Variants in NR5A2 observed in about 807,000 individuals in gnomAD.
The protein encoded by NR5A2 is nuclear receptor subfamily 5 group A member 2, also known as CYP7A promoter-binding factor.
Under a neutral mutation model 62.7 loss-of-function variants are expected in NR5A2, and 26 were observed. The observed-to-expected ratio is 0.41, with a 90% confidence interval of 0.30 to 0.58. The LOEUF is 0.58. Ranked by LOEUF, NR5A2 falls within the 20% of genes least tolerant of loss-of-function variation. NR5A2 has a pLI of 0.22. For synonymous variants in NR5A2, 246 were observed against 241.7 expected, an observed-to-expected ratio of 1.02 and a Z score of -0.16; for missense variants, 541 against 669.1, an observed-to-expected ratio of 0.81 and a Z score of 2.11.
rs1043945798 is a variant in NR5A2, at chr1:200,174,412, T to C, written c.*202T>C. 21 of 447,748 alleles carry C rather than the reference T, an allele frequency of 4.7e-5. No homozygotes were observed. Among genetic ancestry groups the C allele is most frequent in the Non-Finnish European group, 7.3e-5 (20 of 274,292 alleles). 27.7% of individuals were successfully genotyped at this position (447,748 alleles called of 1,614,324 possible). A position where few individuals can be genotyped will look rare whatever the true frequency, so the allele number is the denominator to read the frequency against. On this transcript the variant is annotated 3_prime_UTR_variant, in exon 8 of 8. Coordinates refer to ENST00000367362, the MANE Select transcript of NR5A2 (RefSeq NM_205860.3). The stretch of plus-strand genomic sequence containing the variant: ...TAAATGATGTATCAGGGTATTTGTA[T>C]TGCAAACTGTGAATCAAAGGCTTCA...
chr1:200,041,211 G>A (rs183773418), intron 2 of NR5A2, among the ~76,000 whole-genome samples: 66 of 151,446 alleles, frequency 4.4e-4, no homozygotes, highest in Middle Eastern at 6.8e-3. Flanking sequence ...GGCGCGAGAA[G>A]CCAAAGACTT....
chr1:200,145,467 T>TG (rs1667653784), intron 7 of NR5A2, among the ~76,000 whole-genome samples: 4 of 116,974 alleles, frequency 3.4e-5, no homozygotes, highest in African/African-American at 1.1e-4. Flanking sequence ...ATTGATAGAA[T>TG]TTGTGTGTGT....
chr1:200,162,644 G>T (rs1653693828), intron 7 of NR5A2, among the ~76,000 whole-genome samples: 2 of 152,150 alleles, frequency 1.3e-5, no homozygotes, highest in South Asian at 2.1e-4. Flanking sequence ...GCGAGTTACG[G>T]TTGCAGCAAT....
chr1:200,079,545 C>T lies in NR5A2; in HGVS notation c.1110+30727C>T, dbSNP rs188988148. On this transcript the variant is annotated intron_variant, in intron 5 of 7. Coordinates refer to ENST00000367362, the MANE Select transcript of NR5A2 (RefSeq NM_205860.3). ...TGATATATGGGCCTGGGGCCTAAAACGGGCATTGGCTTTCAAAGATATATT... is the reference window on the plus strand; with the variant it reads ...TGATATATGGGCCTGGGGCCTAAAATGGGCATTGGCTTTCAAAGATATATT... Among the ~76,000 whole-genome samples, 879 of 152,328 alleles carry T rather than the reference C, an allele frequency of 5.8e-3. 5 individuals carry two copies. Among genetic ancestry groups the T allele is most frequent in the South Asian group, 8.9e-3 (43 of 4,832 alleles).
intron 7 of NR5A2, among the ~76,000 whole-genome samples, chr1:200,122,468 C>T (rs1452402720): frequency 1.3e-5 from 2 of 152,118 alleles, no homozygotes; most frequent in South Asian, 2.1e-4. Flanking sequence ...AAATGTATTA[C>T]ATTTGAAGAT....
At chr1:200,107,956 T>C (rs1665768372) in intron 5 of NR5A2, among the ~76,000 whole-genome samples, 1 of 151,960 alleles carries the variant, frequency 6.6e-6, no homozygotes. Flanking sequence ...ACAATTTTAG[T>C]ATGGCTTAAT....
rs761114332 is a variant in NR5A2 at position 200,039,820 on chromosome 1, C to A, written c.202+25C>A. 3.2e-6 allele frequency: 5 copies of A among 1,585,222 alleles called. No homozygotes were observed. The South Asian group carries it at 5.6e-5, about 18-fold the overall frequency. On this transcript the variant is annotated intron_variant, in intron 2 of 7. Coordinates refer to ENST00000367362, the MANE Select transcript of NR5A2 (RefSeq NM_205860.3). This position sits in a 1 kb window ranked among gnomAD's most constrained non-coding sequence, Gnocchi z 5.1. ...GGTAAGGAGGCGCCGCGCGGCGCTC[C>A]GGCTCCCGCTGCTTCCCCACCCCCG...
intron 5 of NR5A2, among the ~76,000 whole-genome samples, chr1:200,096,018 A>C (rs1665081182): frequency 6.6e-6 from 1 of 152,134 alleles, no homozygotes; most frequent in Admixed American, 6.6e-5. Flanking sequence ...ACTAATTTTG[A>C]AAATTTATTC....
At chr1:200,034,956 G>T (rs1191067433) in intron 1 of NR5A2, among the ~76,000 whole-genome samples, 2 of 152,196 alleles carry the variant, frequency 1.3e-5, no homozygotes, top group African/African-American at 2.4e-5. Context: ...AGGGCGGGTG[G>T]AGCCTACGGG....
Position 200,083,341 on chromosome 1 carries a change from A to G in NR5A2, c.1111-27861A>G, listed in dbSNP as rs78924825. Among the ~76,000 whole-genome samples, 493 of 152,352 alleles carry G rather than the reference A, an allele frequency of 3.2e-3. 4 individuals are homozygous for G. Among genetic ancestry groups the G allele is most frequent in the African/African-American group, 0.011 (473 of 41,578 alleles). On this transcript the variant is annotated intron_variant, in intron 5 of 7. Transcript: ENST00000367362. ...CTCCAACTGGCTTTTCTTAAGTAAC[A>G]AATGTCATCATTTGCTGTCCAAGTA...
chr1:200,100,543 A>G (rs1337604715), intron 5 of NR5A2, among the ~76,000 whole-genome samples: 1 of 152,188 alleles, frequency 6.6e-6, no homozygotes, highest in Non-Finnish European at 1.5e-5. Flanking sequence ...CCTAAAATAT[A>G]TGCATTCTCT....
At chr1:200,072,809 G>T (rs962706268) in intron 5 of NR5A2, among the ~76,000 whole-genome samples, 1 of 152,090 alleles carries the variant, frequency 6.6e-6, no homozygotes, top group African/African-American at 2.4e-5. Flanking sequence ...AAAAGAAGAT[G>T]TCCAGAAATA....
At chr1:200,040,905 A>G (rs986045295) in intron 2 of NR5A2, among the ~76,000 whole-genome samples, 4 of 152,204 alleles carry the variant, frequency 2.6e-5, no homozygotes, top group African/African-American at 9.6e-5. Context: ...CCGTTACCCC[A>G]TCGGTCATCC....
chr1:200,035,215 C>T (rs1571691753), intron 1 of NR5A2, among the ~76,000 whole-genome samples: 1 of 151,712 alleles, frequency 6.6e-6, no homozygotes, highest in Admixed American at 6.6e-5. Context: ...ATATGTGGGA[C>T]GAAAAAAGTA....
intron 7 of NR5A2, among the ~76,000 whole-genome samples, chr1:200,148,751 C>T (rs1558168585): frequency 6.6e-6 from 1 of 152,030 alleles, no homozygotes. Context: ...ATTTTAGTAG[C>T]TAAATAATCT....
intron 7 of NR5A2, among the ~76,000 whole-genome samples, chr1:200,140,356 C>T (rs1048266803): frequency 1.3e-5 from 2 of 152,136 alleles, no homozygotes; most frequent in African/African-American, 4.8e-5. Flanking sequence ...GGATCACAGG[C>T]GAGCACCACC....
chr1:200,034,816 A>C (rs1159756827), intron 1 of NR5A2, among the ~76,000 whole-genome samples: 1 of 102,208 alleles, frequency 9.8e-6, no homozygotes, highest in Non-Finnish European at 1.8e-5. Flanking sequence ...TTTTTTTTTA[A>C]ACAAGGCACG....
intron 7 of NR5A2, among the ~76,000 whole-genome samples, chr1:200,136,203 A>AGGCATTCACTCG (rs1667211943): frequency 6.6e-6 from 1 of 151,722 alleles, no homozygotes; most frequent in East Asian, 1.9e-4. Context: ...TATGCTAGGA[A>AGGCATTCACTCG]GCTCTTCACT....
At chr1:200,087,298 G>A (rs556133635) in intron 5 of NR5A2, among the ~76,000 whole-genome samples, 1 of 151,876 alleles carries the variant, frequency 6.6e-6, no homozygotes, top group African/African-American at 2.4e-5. Context: ...CTCAAGAAAG[G>A]TTTAAGTTTG....
Sources: allele counts gnomAD v4.1 joint callset (sites outside exome capture counted in the v4.1 genomes callset), GRCh38; gene constraint gnomAD v4.1.1; non-coding constraint Gnocchi (gnomAD v3.1); transcripts MANE v1.5; gene names NCBI Gene and HGNC (gene_info 2026-07-23, HGNC 2026-07-21).